TRMT44: variants seen among roughly 807,000 people sequenced by gnomAD.
TRMT44 encodes tRNA methyltransferase 44 homolog.
A neutral mutation model predicts 77.3 loss-of-function variants in TRMT44; 78 were observed. The observed-to-expected ratio is 1.01, with a 90% confidence interval of 0.84 to 1.22. TRMT44 has a LOEUF of 1.22. Ranked by LOEUF, TRMT44 falls within the 50% of genes most tolerant of loss-of-function variation. The pLI is 0.00. For missense variants in TRMT44, 1,090 were observed against 964.4 expected (o/e 1.13, Z -1.73); for synonymous variants, 391 against 383.3 (o/e 1.02, Z -0.23).
In TRMT44 at chr4:8,452,854, A is replaced by T; in HGVS notation, c.1024-28A>T. The stretch of plus-strand genomic sequence containing the variant: ...CTTGCGTAGAGTGAATTACCACCTG[A>T]CTTTGTTTTGTTTTTCTCTTCACTT... On this transcript the variant is annotated intron_variant, in intron 4 of 10. Transcript: ENST00000389737. This position sits in a 1 kb window ranked among gnomAD's most constrained non-coding sequence, Gnocchi z 5.7. 1 of 1,379,582 alleles carries T rather than the reference A, an allele frequency of 7.2e-7. No individual in the cohort carries two copies. The highest frequency in any genetic ancestry group is 1.3e-5 in the South Asian group (1 of 76,776). 85.5% of individuals were successfully genotyped at this position (1,379,582 alleles called of 1,614,324 possible). A position where few individuals can be genotyped will look rare whatever the true frequency, so the allele number is the denominator to read the frequency against.
chr4:8,510,941 A>G, the TRMT44 span: 1 of 152,734 alleles, frequency 6.5e-6, no homozygotes, highest in Admixed American at 6.5e-5. Flanking sequence ...GGATGGAGAG[A>G]AACTGAGGCT....
chr4:8,453,027 C>T, intron 5 of TRMT44, 38 bp downstream of exon 5: 1 of 1,303,968 alleles, frequency 7.7e-7, no homozygotes, highest in Non-Finnish European at 1.0e-6. Flanking sequence ...GGTAACTTGT[C>T]CAGAGTTTCC....
intron 8 of TRMT44, among the ~76,000 whole-genome samples, chr4:8,466,562 G>A (rs1334251376): frequency 6.6e-6 from 1 of 152,240 alleles, no homozygotes; most frequent in Non-Finnish European, 1.5e-5. Context: ...AGTTACCTTA[G>A]GACTCGCTGC....
chr4:8,452,980 C>T lies in TRMT44; in HGVS notation c.1122C>T (p.Ser374=). Residue 374 remains serine, a synonymous_variant, in exon 5 of 11, where the codon AGC becomes AGT. Transcript: ENST00000389737. The surrounding 1 kb of genome is among the most constrained non-coding windows in gnomAD (Gnocchi z 5.7). The part of the protein sequence containing the change: ...CGNGLLVHIL[S]SEGHPGRGID... ...ATGGCCTCCTGGTCCACATCCTGAG[C>T]AGTGAGGGGGTAAGGCCCGGCTCCA... 2 of 1,521,436 alleles carry T rather than the reference C, an allele frequency of 1.3e-6. No homozygotes were observed. Among genetic ancestry groups the T allele is most frequent in the Non-Finnish European group, 1.8e-6 (2 of 1,139,932 alleles). 94.2% of individuals were successfully genotyped at this position (1,521,436 alleles called of 1,614,324 possible).
intron 1 of TRMT44, among the ~76,000 whole-genome samples, chr4:8,443,752 T>C (rs1273016945): frequency 6.6e-6 from 1 of 152,074 alleles, no homozygotes; most frequent in African/African-American, 2.4e-5. Flanking sequence ...GTAATGTGAC[T>C]GTTCGAGACC....
Position 8,446,405 on chromosome 4 carries a change from T to C in TRMT44, c.620-71T>C. ...AGCATCGTGCTTGACTCATCCCTAT[T>C]TTTAATACTGCTTCTGATGAGACGG... On this transcript the variant is annotated intron_variant, in intron 1 of 10. Transcript: ENST00000389737. The surrounding 1 kb of genome is among the most constrained non-coding windows in gnomAD (Gnocchi z 4.3). 1 of 1,014,648 alleles carries C rather than the reference T, an allele frequency of 9.9e-7. No individual in the cohort carries two copies. Among genetic ancestry groups the C allele is most frequent in the East Asian group, 2.6e-5 (1 of 38,474 alleles). 62.9% of individuals were successfully genotyped at this position (1,014,648 alleles called of 1,614,324 possible).
chr4:8,473,107 T>G (rs548350335), intron 10 of TRMT44, among the ~76,000 whole-genome samples: 1 of 152,316 alleles, frequency 6.6e-6, no homozygotes, highest in South Asian at 2.1e-4. Context: ...TATCTCTGTA[T>G]GAGGTTTAGG....
At chr4:8,453,923 C>T (rs1365051714) in intron 5 of TRMT44, among the ~76,000 whole-genome samples, 1 of 152,136 alleles carries the variant, frequency 6.6e-6, no homozygotes, top group Non-Finnish European at 1.5e-5. Context: ...TGTTACAATG[C>T]CCTTTTTCAA....
chr4:8,474,235 G>C (rs75792938), intron 10 of TRMT44, among the ~76,000 whole-genome samples: 2,506 of 152,330 alleles, frequency 0.016, 60 homozygotes, highest in African/African-American at 0.056. Flanking sequence ...TCTGGCCCCT[G>C]GGGCTCCTCC....
chr4:8,514,204 C>G, the TRMT44 span, among the ~76,000 whole-genome samples: 1 of 150,302 alleles, frequency 6.7e-6, no homozygotes, highest in South Asian at 2.1e-4. Context: ...TCACTGCCAA[C>G]AAGCCAAGCA....
intron 8 of TRMT44, among the ~76,000 whole-genome samples, chr4:8,466,631 T>G (rs924376132): frequency 5.3e-5 from 8 of 152,254 alleles, no homozygotes; most frequent in African/African-American, 1.9e-4. Context: ...TCTTCTGAGT[T>G]CAGAATTGAT....
At chr4:8,459,973 A>G (rs775293447) in intron 6 of TRMT44, among the ~76,000 whole-genome samples, 1 of 152,168 alleles carries the variant, frequency 6.6e-6, no homozygotes, top group Non-Finnish European at 1.5e-5. Context: ...GGCTACAGAC[A>G]TCAAGACACC....
rs1725313202 is a variant in TRMT44 at position 8,449,868 on chromosome 4, A to G, written c.934A>G (p.Lys312Glu). The change falls in exon 3 of 11, where the codon AAG (lysine) becomes GAG (glutamate). Residue 312 changes from lysine to glutamate, a missense_variant. Coordinates refer to ENST00000389737, the MANE Select transcript of TRMT44 (RefSeq NM_152544.3). ...CAAGGCTTACCAGGAACTTAAAGAG[A>G]AGTATAAGGAAATGGTTAAGGTAAT... is the stretch of plus-strand genomic sequence containing the variant. ...YSKAYQELKE[K>E]YKEMVKVWPE... is the part of the protein sequence containing the mutation. 1 of 1,531,310 alleles carries G rather than the reference A, an allele frequency of 6.5e-7. No homozygotes were observed. Among genetic ancestry groups the G allele is most frequent in the South Asian group, 1.2e-5 (1 of 83,698 alleles). 94.9% of individuals were successfully genotyped at this position (1,531,310 alleles called of 1,614,324 possible).
chr4:8,489,428 T>C (rs1487575838), intron 2 of TRMT44, among the ~76,000 whole-genome samples: 1 of 152,162 alleles, frequency 6.6e-6, no homozygotes, highest in African/African-American at 2.4e-5. Flanking sequence ...AGGGCTGGGC[T>C]AACTTTGGAA....
chr4:8,471,083 G>C lies in TRMT44; in HGVS notation c.1928-1G>C, dbSNP rs755764402. On this transcript the variant is annotated splice_acceptor_variant, in intron 9 of 10. Coordinates refer to ENST00000389737, the MANE Select transcript of TRMT44 (RefSeq NM_152544.3). LOFTEE classifies it high-confidence loss of function. ...GAAAAAAAAAACCCGTTTTTCCACA[G>C]AGAGCCTATCTCTGGCAGAAGTAGC... 1.7e-5 allele frequency: 27 copies of C among 1,577,398 alleles called. No homozygotes were observed. The highest frequency in any genetic ancestry group is 3.4e-4 in the Middle Eastern group (2 of 5,858).
chr4:8,513,611 GAGA>G, the TRMT44 span, among the ~76,000 whole-genome samples: 5 of 152,214 alleles, frequency 3.3e-5, no homozygotes, highest in African/African-American at 9.7e-5. Flanking sequence ...CAAAGAGCAG[GAGA>G]AGATTTTAAC....
In TRMT44 at chr4:8,471,077, T is replaced by C; in HGVS notation, c.1928-7T>C. ...TTTGGGGAAAAAAAAAACCCGTTTT[T>C]CCACAGAGAGCCTATCTCTGGCAGA... On this transcript the variant is annotated splice_polypyrimidine_tract_variant and splice_region_variant and intron_variant, in intron 9 of 10. Coordinates refer to ENST00000389737, the MANE Select transcript of TRMT44 (RefSeq NM_152544.3). 6.4e-7 allele frequency: 1 copy of C among 1,573,410 alleles called. No homozygotes were observed. Among genetic ancestry groups the C allele is most frequent in the Non-Finnish European group, 8.6e-7 (1 of 1,164,848 alleles).
At chr4:8,472,597 G>T (rs918224973) in intron 10 of TRMT44, among the ~76,000 whole-genome samples, 33 of 152,244 alleles carry the variant, frequency 2.2e-4, no homozygotes, top group Admixed American at 1.7e-3. Context: ...CACTGCCTTT[G>T]TGTGCCTGCC....
intron 2 of TRMT44, among the ~76,000 whole-genome samples, chr4:8,481,607 A>C (rs1483246601): frequency 6.6e-6 from 1 of 152,150 alleles, no homozygotes; most frequent in Non-Finnish European, 1.5e-5. Flanking sequence ...ACCCTCCCAA[A>C]GTGCTGGGGT....
Sources: allele counts gnomAD v4.1 joint callset (sites outside exome capture counted in the v4.1 genomes callset), GRCh38; gene constraint gnomAD v4.1.1; non-coding constraint Gnocchi (gnomAD v3.1); transcripts MANE v1.5; gene names NCBI Gene and HGNC (gene_info 2026-07-23, HGNC 2026-07-21).